The following DLG2 variants were observed in gnomAD, a reference collection of about 807,000 sequenced individuals.
DLG2 encodes the protein discs large MAGUK scaffold protein 2.
Under a neutral mutation model 132.5 loss-of-function variants are expected in DLG2, and 45 were observed. The observed-to-expected ratio is 0.34, with a 90% CI of 0.27 to 0.44. The LOEUF is 0.44. Ranked by LOEUF, DLG2 falls within the 20% of genes least tolerant of loss-of-function variation. The probability of loss-of-function intolerance (pLI) is 1.00; values close to 1 mark genes in which losing one functional copy is unlikely to be tolerated. For synonymous variants in DLG2, 424 were observed against 419.6 expected, an observed-to-expected ratio of 1.01 and a Z score of -0.13; for missense variants, 1,045 against 1,196.9, an observed-to-expected ratio of 0.87 and a Z score of 1.87.
At chr11:84,189,372 T>C (rs2096355723) in intron 8 of DLG2, among the ~76,000 whole-genome samples, 1 of 152,216 alleles carries the variant, frequency 6.6e-6, no homozygotes. Context: ...TTTTACACTA[T>C]TGGTGGGAGT....
intron 6 of DLG2, among the ~76,000 whole-genome samples, chr11:84,630,151 C>G (rs2099629051): frequency 1.3e-5 from 2 of 152,234 alleles, no homozygotes; most frequent in South Asian, 4.2e-4. Context: ...ACTGACCCAT[C>G]AAGAAATCCT....
chr11:84,956,688 C>G (rs1008825205), intron 6 of DLG2, among the ~76,000 whole-genome samples: 20 of 152,116 alleles, frequency 1.3e-4, no homozygotes, highest in African/African-American at 4.3e-4. Context: ...AAATGTAACT[C>G]AGAGAATCAC....
chr11:84,844,169 A>ATG (rs2081175689), intron 6 of DLG2, among the ~76,000 whole-genome samples: 2 of 131,082 alleles, frequency 1.5e-5, no homozygotes, highest in Admixed American at 1.6e-4. Flanking sequence ...ATATATATAT[A>ATG]TATGTATCTC....
rs375731223 is a variant in DLG2, at chr11:84,505,028, C to T, written c.519+29542G>A. 2.8e-4 allele frequency among the ~76,000 whole-genome samples: 42 copies of T among 151,974 alleles called. No homozygotes were observed. In the South Asian group the frequency reaches 7.9e-3, roughly 29 times the overall value. On this transcript the variant is annotated intron_variant, in intron 7 of 27. Coordinates refer to ENST00000376104, the MANE Select transcript of DLG2 (RefSeq NM_001142699.3). ...TTTACGTCAAATTAGTTCAAATTGC[C>T]AATGGATAGGAGCACTGGACTTGGA...
At chr11:84,083,831 TTTTA>T (rs1249810756) in intron 10 of DLG2, among the ~76,000 whole-genome samples, 2 of 152,316 alleles carry the variant, frequency 1.3e-5, no homozygotes, top group East Asian at 1.9e-4. Flanking sequence ...TATCTATTTA[TTTTA>T]TTTATTTCTG....
At chr11:85,484,753 G>A (rs901489962) in intron 3 of DLG2, among the ~76,000 whole-genome samples, 2 of 149,860 alleles carry the variant, frequency 1.3e-5, no homozygotes, top group African/African-American at 2.4e-5. Context: ...CACTGTTGGT[G>A]GGACTGTAAA....
chr11:83,934,187 T>C (rs936271919), intron 14 of DLG2, among the ~76,000 whole-genome samples: 4 of 152,210 alleles, frequency 2.6e-5, no homozygotes, highest in Non-Finnish European at 5.9e-5. Context: ...GATCTCATGT[T>C]TGCAATCACT....
intron 15 of DLG2, among the ~76,000 whole-genome samples, chr11:83,922,458 G>A (rs141592166): frequency 1.3e-5 from 2 of 152,108 alleles, no homozygotes; most frequent in South Asian, 4.1e-4. Flanking sequence ...GCTATGCCTT[G>A]TGAGTCATTC....
intron 5 of DLG2, chr11:85,132,633 A>T (rs2075812425): frequency 2.5e-6 from 1 of 406,980 alleles, no homozygotes; most frequent in Non-Finnish European, 5.1e-6. Context: ...CAGGGAACAA[A>T]ATGCCCAGCA....
chr11:84,683,569 C>T (rs17808095), intron 6 of DLG2, among the ~76,000 whole-genome samples: 15 of 152,010 alleles, frequency 9.9e-5, no homozygotes, highest in African/African-American at 2.9e-4. Flanking sequence ...CAGGGATTAA[C>T]GAAAAGCCTC....
chr11:83,710,485 G>T (rs1321886675), intron 18 of DLG2, among the ~76,000 whole-genome samples: 1 of 152,058 alleles, frequency 6.6e-6, no homozygotes, highest in Non-Finnish European at 1.5e-5. Flanking sequence ...CCACTCAAGA[G>T]GAAGACACAA....
In DLG2 at chr11:83,710,166, C is replaced by CT. The variant is rs34223532; in HGVS notation, c.1825+76523dup. 9.5e-4 allele frequency among the ~76,000 whole-genome samples: 138 copies of CT among 145,250 alleles called. 1 individual carries two copies. Among genetic ancestry groups the CT allele is most frequent in the East Asian group, 2.2e-3 (11 of 4,946 alleles). ...GAAGCCCAGCACAGCAAATAAGGTA[C>CT]TTTTTTTTTTTTTTGAGACTGAGTG... is the stretch of plus-strand genomic sequence containing the variant. On this transcript the variant is annotated intron_variant, in intron 18 of 27. Coordinates refer to ENST00000376104, the MANE Select transcript of DLG2 (RefSeq NM_001142699.3).
intron 3 of DLG2, among the ~76,000 whole-genome samples, chr11:85,357,741 TATATATATATATATATATA>T (rs2083845548): frequency 1.1e-5 from 1 of 92,998 alleles, no homozygotes; most frequent in Non-Finnish European, 2.3e-5. Context: ...TATATATATA[TATATATATATATATATATA>T]TTTTATACTT....
At chr11:84,816,360 C>T (rs542220931) in intron 6 of DLG2, among the ~76,000 whole-genome samples, 1 of 151,954 alleles carries the variant, frequency 6.6e-6, no homozygotes, top group South Asian at 2.1e-4. Context: ...TTGTTAAATA[C>T]CTTCATCTCA....
intron 10 of DLG2, among the ~76,000 whole-genome samples, chr11:84,086,512 C>T (rs2096984516): frequency 7.7e-6 from 1 of 129,796 alleles, no homozygotes; most frequent in Admixed American, 8.7e-5. Flanking sequence ...TTTTTTGAGA[C>T]AAGGTGTTGC....
chr11:85,558,708 C>T (rs1441941044), intron 3 of DLG2, among the ~76,000 whole-genome samples: 1 of 151,788 alleles, frequency 6.6e-6, no homozygotes, highest in Non-Finnish European at 1.5e-5. Context: ...TCAAATACCC[C>T]ATGTTCTCAC....
chr11:84,331,698 G>A (rs993804135), intron 7 of DLG2, among the ~76,000 whole-genome samples: 1 of 151,890 alleles, frequency 6.6e-6, no homozygotes, highest in East Asian at 1.9e-4. Context: ...ATTACATCGG[G>A]GTGGAGTTTT....
chr11:84,101,006 T>C (rs573272163), intron 9 of DLG2, among the ~76,000 whole-genome samples: 2 of 152,186 alleles, frequency 1.3e-5, no homozygotes, highest in South Asian at 4.1e-4. Flanking sequence ...GTTTGCTCTT[T>C]GAAAAAGTCC....
At chr11:84,978,270 G>T (rs940882887) in intron 6 of DLG2, among the ~76,000 whole-genome samples, 2 of 152,082 alleles carry the variant, frequency 1.3e-5, no homozygotes, top group African/African-American at 4.8e-5. Context: ...TCCCCATCAA[G>T]CTACCAATGA....
Sources: gnomAD v4.1 joint callset for allele counts (sites outside exome capture counted in the v4.1 genomes callset) on GRCh38, gnomAD v4.1.1 for gene constraint, MANE v1.5 for transcripts, NCBI Gene and HGNC (gene_info 2026-07-23, HGNC 2026-07-21) for gene names.